SRGAP3: variants seen among roughly 807,000 people sequenced by gnomAD.
SRGAP3 encodes SLIT-ROBO Rho GTPase activating protein 3.
Under a neutral mutation model 121.1 loss-of-function variants are expected in SRGAP3, and 39 were observed. That is an observed-to-expected ratio of 0.32 (90% CI 0.25 to 0.42). The LOEUF (loss-of-function observed/expected upper bound fraction) is 0.42. Among genes scored for constraint, SRGAP3 ranks in the 10% least tolerant of loss-of-function variants. SRGAP3 has a pLI of 1.00. For missense variants in SRGAP3, 1,213 were observed against 1,470.6 expected, an observed-to-expected ratio of 0.82 and a Z score of 2.86; for synonymous variants, 601 against 570.0, an observed-to-expected ratio of 1.05 and a Z score of -0.77.
intron 18 of SRGAP3, among the ~76,000 whole-genome samples, chr3:9,006,329 G>C (rs1488662687): frequency 1.3e-5 from 2 of 150,198 alleles, no homozygotes; most frequent in African/African-American, 4.9e-5. Flanking sequence ...GAACCAGGGA[G>C]TCGGAGGCTG....
chr3:9,317,307 C>T (rs1955365509), intron 3 of SRGAP3, among the ~76,000 whole-genome samples: 1 of 152,190 alleles, frequency 6.6e-6, no homozygotes, highest in Admixed American at 6.5e-5. Flanking sequence ...CGTAAATTTC[C>T]CTAGGAGCTG....
chr3:9,209,420 T>C (rs1952368955), intron 1 of SRGAP3, among the ~76,000 whole-genome samples: 1 of 152,236 alleles, frequency 6.6e-6, no homozygotes, highest in South Asian at 2.1e-4. Flanking sequence ...CAATAACCTT[T>C]CTAATAATGA....
Position 9,292,431 on chromosome 3 carries a change from T to C in SRGAP3, n.442+33579A>G, listed in dbSNP as rs188410981. Among the ~76,000 whole-genome samples, 72 of 152,308 alleles carry C rather than the reference T, an allele frequency of 4.7e-4. No homozygotes were observed. In the East Asian group the frequency reaches 0.013, roughly 28 times the overall value. ...CCTCCATGAAGCCTTCTCTGCCTTCTCTATCCACCTTACACTTCCAAAATA... is the reference window on the plus strand; with the variant it reads ...CCTCCATGAAGCCTTCTCTGCCTTCCCTATCCACCTTACACTTCCAAAATA... On this transcript the variant is annotated intron_variant and non_coding_transcript_variant, in intron 3 of 3. Coordinates refer to the SRGAP3 transcript ENST00000490889.
intron 1 of SRGAP3, among the ~76,000 whole-genome samples, chr3:9,361,770 C>A (rs765612048): frequency 6.6e-6 from 1 of 152,166 alleles, no homozygotes; most frequent in East Asian, 1.9e-4. Flanking sequence ...ATAGAACAAC[C>A]GACTAGCATT....
chr3:9,129,750 A>G (rs1949371739), intron 1 of SRGAP3, among the ~76,000 whole-genome samples: 1 of 151,858 alleles, frequency 6.6e-6, no homozygotes, highest in African/African-American at 2.4e-5. Flanking sequence ...ATATCTGTAT[A>G]GCAAATTACT....
chr3:9,153,334 A>G (rs964204899), intron 1 of SRGAP3, among the ~76,000 whole-genome samples: 3 of 152,224 alleles, frequency 2.0e-5, no homozygotes, highest in African/African-American at 7.2e-5. Flanking sequence ...TACAAGGATC[A>G]TTTAATCCTC....
At chr3:9,264,474 A>G (rs1246931125) in intron 3 of SRGAP3, among the ~76,000 whole-genome samples, 1 of 152,234 alleles carries the variant, frequency 6.6e-6, no homozygotes, top group Non-Finnish European at 1.5e-5. Context: ...AGAAAATCCC[A>G]TCATCTCAGC....
intron 20 of SRGAP3, 97 bp from the exon 21 acceptor site, chr3:8,990,936 A>G: frequency 9.2e-7 from 1 of 1,087,426 alleles, no homozygotes; most frequent in Non-Finnish European, 1.3e-6. Context: ...ACTACACGCT[A>G]GTCTAAGGAG....
chr3:9,169,091 A>G (rs1003322610), intron 1 of SRGAP3, among the ~76,000 whole-genome samples: 2 of 152,130 alleles, frequency 1.3e-5, no homozygotes, highest in Admixed American at 6.5e-5. Context: ...TCGTTCAGCT[A>G]TTGTGTAACC....
At chr3:9,091,195 C>T (rs1019274482) in intron 3 of SRGAP3, among the ~76,000 whole-genome samples, 7 of 152,108 alleles carry the variant, frequency 4.6e-5, no homozygotes, top group African/African-American at 7.2e-5. Flanking sequence ...TTTGTTAACT[C>T]TCAGTTATCC....
At chr3:9,250,090 G>A (rs1473567607), upstream of SRGAP3, among the ~76,000 whole-genome samples, 1 of 152,166 alleles carries the variant, frequency 6.6e-6, no homozygotes, top group African/African-American at 2.4e-5. Flanking sequence ...GCAAAGCCAC[G>A]CAGAGCAGGC....
At chr3:9,187,857 G>T (rs1237301940) in intron 1 of SRGAP3, among the ~76,000 whole-genome samples, 3 of 152,150 alleles carry the variant, frequency 2.0e-5, no homozygotes, top group Non-Finnish European at 4.4e-5. Flanking sequence ...CAGAACACCT[G>T]CAATCCTTCA....
At chr3:9,013,949 A>C (rs1559913965) in intron 15 of SRGAP3, 107 bp from the exon 16 acceptor site, 6 of 981,722 alleles carry the variant, frequency 6.1e-6, no homozygotes, top group Non-Finnish European at 9.6e-6. Flanking sequence ...TGGGGGAGCC[A>C]GCTCTACTCT....
intron 1 of SRGAP3, among the ~76,000 whole-genome samples, chr3:9,201,369 G>A (rs1452602001): frequency 1.3e-5 from 2 of 152,236 alleles, no homozygotes; most frequent in African/African-American, 4.8e-5. Context: ...CAAGGCAGAT[G>A]TTCAGCCAAA....
intron 10 of SRGAP3, among the ~76,000 whole-genome samples, chr3:9,043,880 C>T (rs572823447): frequency 6.6e-6 from 1 of 152,106 alleles, no homozygotes; most frequent in Non-Finnish European, 1.5e-5. Flanking sequence ...AAAAACCAAC[C>T]GCATCTTGAG....
chr3:9,119,746 G>C (rs1242082732), intron 2 of SRGAP3, among the ~76,000 whole-genome samples: 1 of 152,218 alleles, frequency 6.6e-6, no homozygotes, highest in Non-Finnish European at 1.5e-5. Flanking sequence ...GCTACTGTCA[G>C]AAGTCTGATG....
chr3:8,988,851 C>A (rs1941878527), intron 21 of SRGAP3, among the ~76,000 whole-genome samples: 1 of 152,158 alleles, frequency 6.6e-6, no homozygotes, highest in Admixed American at 6.5e-5. Flanking sequence ...ACAGGGTTCA[C>A]GGCCTGTGAA....
At chr3:9,213,460 T>C (rs939084432) in intron 1 of SRGAP3, among the ~76,000 whole-genome samples, 3 of 152,176 alleles carry the variant, frequency 2.0e-5, no homozygotes, top group Admixed American at 1.3e-4. Context: ...GCCCTTTTCA[T>C]ACAAAAGCAG....
chr3:9,123,397 A>ATATATATATATATATATATATATATAT (rs764680440), intron 2 of SRGAP3, among the ~76,000 whole-genome samples: 2 of 89,168 alleles, frequency 2.2e-5, no homozygotes, highest in African/African-American at 7.6e-5. Context: ...ATACATACAC[A>ATATATATATATATATATATATATATAT]ATACACATAC....
Sources: allele counts gnomAD v4.1 joint callset (sites outside exome capture counted in the v4.1 genomes callset), GRCh38; gene constraint gnomAD v4.1.1; transcripts MANE v1.5; gene names NCBI Gene and HGNC (gene_info 2026-07-23, HGNC 2026-07-21).